The following HSD17B12 variants were observed in gnomAD, a reference collection of about 807,000 sequenced individuals.
HSD17B12 encodes hydroxysteroid 17-beta dehydrogenase 12.
Under a neutral mutation model 39.3 loss-of-function variants are expected in HSD17B12, and 32 were observed. That is an observed-to-expected ratio of 0.81 (90% CI 0.61 to 1.09). The LOEUF is 1.09. HSD17B12 is among the 50% of genes least tolerant of loss of function. HSD17B12 has a pLI of 0.00. For synonymous variants in HSD17B12, 150 were observed against 146.7 expected, an observed-to-expected ratio of 1.02 and a Z score of -0.16; for missense variants, 342 against 382.9, an observed-to-expected ratio of 0.89 and a Z score of 0.89.
chr11:43,654,744 C>G, the HSD17B12 span, among the ~76,000 whole-genome samples: 1 of 152,018 alleles, frequency 6.6e-6, no homozygotes, highest in East Asian at 1.9e-4. Context: ...TGTTCTGTTC[C>G]ATTGGTTTAT....
intron 9 of HSD17B12, among the ~76,000 whole-genome samples, chr11:43,847,788 G>C (rs1023060724): frequency 1.3e-5 from 2 of 151,250 alleles, no homozygotes; most frequent in African/African-American, 2.4e-5. Flanking sequence ...CCTTTGTCTT[G>C]GTGATGAGAG....
At chr11:43,814,600 T>C (rs1042606488) in intron 4 of HSD17B12, among the ~76,000 whole-genome samples, 4 of 152,178 alleles carry the variant, frequency 2.6e-5, no homozygotes, top group African/African-American at 9.7e-5. Context: ...GTCAATTGTC[T>C]TGTAGCCCCA....
the HSD17B12 span, among the ~76,000 whole-genome samples, chr11:43,665,259 C>T: frequency 6.6e-6 from 1 of 152,158 alleles, no homozygotes; most frequent in African/African-American, 2.4e-5. Flanking sequence ...TATTTAGTCG[C>T]CTAGGCTGGA....
At chr11:43,676,810 G>A (rs1214282925), upstream of HSD17B12, among the ~76,000 whole-genome samples, 4 of 152,114 alleles carry the variant, frequency 2.6e-5, no homozygotes, top group African/African-American at 9.7e-5. Context: ...ACAGACATAT[G>A]CAACAAAAAA....
At chr11:43,736,209 CAGA>C (rs1950314735) in intron 1 of HSD17B12, among the ~76,000 whole-genome samples, 1 of 151,916 alleles carries the variant, frequency 6.6e-6, no homozygotes, top group South Asian at 2.1e-4. Flanking sequence ...ATGGTGCCAC[CAGA>C]AGGAATCGCA....
Position 43,815,503 on chromosome 11 carries a change from T to TGATCAAGA in HSD17B12, c.456+2_456+3insGATCAAGA. 6.5e-7 allele frequency: 1 copy of TGATCAAGA among 1,544,234 alleles called. No individual in the cohort carries two copies. Among genetic ancestry groups the TGATCAAGA allele is most frequent in the Non-Finnish European group, 8.9e-7 (1 of 1,127,194 alleles). ...TTGGATGTTCCTGACTTGGACAATGTAAGTCTTTCTTTGTGTATTATGGTA... is the reference window on the plus strand; with the variant it reads ...TTGGATGTTCCTGACTTGGACAATGTGATCAAGAAAGTCTTTCTTTGTGTATTATGGTA... On this transcript the variant is annotated splice_region_variant and intron_variant, in intron 5 of 10. Transcript: ENST00000278353.
At chr11:43,712,620 G>T (rs545096233) in intron 1 of HSD17B12, among the ~76,000 whole-genome samples, 1 of 152,014 alleles carries the variant, frequency 6.6e-6, no homozygotes, top group Admixed American at 6.6e-5. Flanking sequence ...TAAATCTTAC[G>T]TGTATTGATT....
intron 1 of HSD17B12, among the ~76,000 whole-genome samples, chr11:43,685,023 C>A (rs1949785331): frequency 6.6e-6 from 1 of 152,120 alleles, no homozygotes; most frequent in Non-Finnish European, 1.5e-5. Flanking sequence ...TCTATGAAAT[C>A]TGTACTTCAT....
intron 3 of HSD17B12, among the ~76,000 whole-genome samples, chr11:43,776,723 G>T (rs1950708487): frequency 6.6e-6 from 1 of 152,272 alleles, no homozygotes; most frequent in South Asian, 2.1e-4. Flanking sequence ...TTCTTCTAGG[G>T]TTTTTACGGT....
At chr11:43,801,156 A>G (rs1345535780) in intron 4 of HSD17B12, among the ~76,000 whole-genome samples, 1 of 151,942 alleles carries the variant, frequency 6.6e-6, no homozygotes, top group Non-Finnish European at 1.5e-5. Flanking sequence ...AAAAAAAAAG[A>G]GCTATACTGC....
the HSD17B12 span, among the ~76,000 whole-genome samples, chr11:43,630,272 G>T: frequency 6.6e-6 from 1 of 152,040 alleles, no homozygotes; most frequent in Non-Finnish European, 1.5e-5. Flanking sequence ...CCTTTCTCTG[G>T]ATCCCTGTCA....
chr11:43,682,473 C>T (rs1228220279), intron 1 of HSD17B12, among the ~76,000 whole-genome samples: 5 of 143,892 alleles, frequency 3.5e-5, no homozygotes, highest in Admixed American at 7.5e-5. Context: ...ACCCAGGAGG[C>T]GGAGTTTGCA....
chr11:43,671,993 A>C, the HSD17B12 span, among the ~76,000 whole-genome samples: 2 of 152,216 alleles, frequency 1.3e-5, no homozygotes, highest in East Asian at 1.9e-4. Context: ...TATGAATGTG[A>C]GTCTAAGTTC....
At chr11:43,691,451 G>A (rs1274594898) in intron 1 of HSD17B12, among the ~76,000 whole-genome samples, 1 of 152,182 alleles carries the variant, frequency 6.6e-6, no homozygotes, top group Middle Eastern at 3.2e-3. Context: ...TCATCTCTAA[G>A]TCTTAGAATC....
At chr11:43,796,029 A>C (rs1950912935) in intron 3 of HSD17B12, among the ~76,000 whole-genome samples, 1 of 152,118 alleles carries the variant, frequency 6.6e-6, no homozygotes, top group South Asian at 2.1e-4. Context: ...AACATAGGGA[A>C]TGGTAAGTTT....
At chr11:43,681,028 C>G in intron 1 of HSD17B12, 41 bp downstream of exon 1, 1 of 1,539,736 alleles carries the variant, frequency 6.5e-7, no homozygotes, top group Non-Finnish European at 8.8e-7. Flanking sequence ...CCCGCGGCGG[C>G]CCGGACCAGG....
chr11:43,623,894 T>C, the HSD17B12 span, among the ~76,000 whole-genome samples: 2 of 152,032 alleles, frequency 1.3e-5, no homozygotes, highest in South Asian at 2.1e-4. Flanking sequence ...ATGTGGAATA[T>C]AGTAAGAATT....
At chr11:43,663,943 A>C in the HSD17B12 span, among the ~76,000 whole-genome samples, 2 of 151,446 alleles carry the variant, frequency 1.3e-5, no homozygotes, top group African/African-American at 2.4e-5. Context: ...GCTCACTGCA[A>C]CCTCTGCCTC....
chr11:43,593,481 A>G, the HSD17B12 span, among the ~76,000 whole-genome samples: 3 of 152,234 alleles, frequency 2.0e-5, no homozygotes, highest in South Asian at 6.2e-4. Flanking sequence ...CTAAATCAAA[A>G]TATCTTTAAA....
Sources: allele counts gnomAD v4.1 joint callset (sites outside exome capture counted in the v4.1 genomes callset), GRCh38; gene constraint gnomAD v4.1.1; transcripts MANE v1.5; gene names NCBI Gene and HGNC (gene_info 2026-07-23, HGNC 2026-07-21).